The following CLTRN variants were observed in gnomAD, a reference collection of about 807,000 sequenced individuals.
The protein encoded by CLTRN is collectrin, amino acid transport regulator.
In CLTRN, 12 loss-of-function variants were observed where a neutral mutation model predicts 14.5. That is an observed-to-expected ratio of 0.83 (90% CI 0.53 to 1.34). The LOEUF (loss-of-function observed/expected upper bound fraction) is 1.34, where lower values mean the gene tolerates loss of function less well. CLTRN is among the 40% of genes most tolerant of loss of function. The pLI is 0.00. For missense variants in CLTRN, 154 were observed against 165.1 expected (o/e 0.93, Z 0.37); for synonymous variants, 58 against 56.5 (o/e 1.03, Z -0.12).
Position 15,658,871 on chromosome X carries a change from A to G in CLTRN, c.203+145T>C, listed in dbSNP as rs1929434857. On this transcript the variant is annotated intron_variant, in intron 3 of 5. Transcript: ENST00000380342. ...TAAACTGTAAGATGAGTTAGATTAT[A>G]AAAGTTATTTTTAAGTTTAATAAAA... 4 of 289,828 alleles carry G rather than the reference A, an allele frequency of 1.4e-5. No individual in the cohort carries two copies. The South Asian group carries it at 1.7e-4, about 12-fold the overall frequency. The allele number at this position is 289,828 out of a possible 1,213,427, so 23.9% of individuals were successfully genotyped here.
At chrX:15,629,992 A>G (rs1371734907) in intron 5 of CLTRN, among the ~76,000 whole-genome samples, 5 of 111,637 alleles carry the variant, frequency 4.5e-5, no homozygotes, top group Admixed American at 3.8e-4. Context: ...TTTGCAAAAC[A>G]GCTGACCTGG....
At chrX:15,667,238 AAAAT>A (rs200000626), upstream of CLTRN, among the ~76,000 whole-genome samples, 6,821 of 105,013 alleles carry the variant, frequency 0.065, 495 homozygotes, top group African/African-American at 0.2. Context: ...CTCCATCTCA[AAAAT>A]AAATAAATAA....
intron 1 of CLTRN, among the ~76,000 whole-genome samples, chrX:15,670,298 C>A (rs181337365): frequency 0.054 from 4,053 of 75,425 alleles, 202 homozygotes; most frequent in African/African-American, 0.18. Flanking sequence ...AAAACAAAAA[C>A]CAAAAACAAA....
chrX:15,645,065 A>C (rs1929031189), intron 3 of CLTRN, 36 bp from the exon 4 acceptor site: 1 of 892,879 alleles, frequency 1.1e-6, no homozygotes, highest in South Asian at 2.3e-5. Context: ...CATGAGAAGA[A>C]TATCATACCA....
At chrX:15,629,550 CA>C (rs1246929472) in intron 5 of CLTRN, among the ~76,000 whole-genome samples, 1 of 110,677 alleles carries the variant, frequency 9.0e-6, no homozygotes, top group South Asian at 3.9e-4. Flanking sequence ...GTATATATTT[CA>C]AAAAAAGAAT....
At chrX:15,637,969 G>A (rs190066124) in intron 5 of CLTRN, among the ~76,000 whole-genome samples, 128 of 111,856 alleles carry the variant, frequency 1.1e-3, no homozygotes, top group Non-Finnish European at 2.1e-3. Context: ...TACAAGGGCA[G>A]AATCTAAGAG....
intron 5 of CLTRN, among the ~76,000 whole-genome samples, chrX:15,632,896 A>T (rs1386607149): frequency 9.2e-6 from 1 of 108,116 alleles, no homozygotes; most frequent in African/African-American, 3.4e-5. Flanking sequence ...AAAAAAAAAA[A>T]AAAAAAAAAA....
At chrX:15,628,347 A>C (rs1026583923) in intron 5 of CLTRN, among the ~76,000 whole-genome samples, 1 of 112,422 alleles carries the variant, frequency 8.9e-6, no homozygotes, top group African/African-American at 3.2e-5. Flanking sequence ...TATAGATGAC[A>C]TATACATAGT....
chrX:15,655,209 C>A (rs1305211863), intron 3 of CLTRN, among the ~76,000 whole-genome samples: 2 of 112,134 alleles, frequency 1.8e-5, no homozygotes, highest in African/African-American at 6.5e-5. Context: ...ATTCTCCTCG[C>A]TTAGGGACAG....
chrX:15,653,779 G>C (rs1929283446), intron 3 of CLTRN, among the ~76,000 whole-genome samples: 1 of 112,178 alleles, frequency 8.9e-6, no homozygotes, highest in Non-Finnish European at 1.9e-5. Flanking sequence ...AGTCCGAGAA[G>C]GGCAGGTGTA....
chrX:15,638,999 T>G (rs1399602973), intron 5 of CLTRN, among the ~76,000 whole-genome samples: 1 of 111,927 alleles, frequency 8.9e-6, no homozygotes, highest in Non-Finnish European at 1.9e-5. Context: ...CCAGGTGATG[T>G]CTGATGCTGA....
At chrX:15,665,138 G>A (rs777576886), upstream of CLTRN, 1 of 141,384 alleles carries the variant, frequency 7.1e-6, no homozygotes, top group Non-Finnish European at 1.4e-5. Context: ...AGGTTTCCTT[G>A]ACATGCACTT....
chrX:15,673,321 T>C (rs1002597120), intron 1 of CLTRN, among the ~76,000 whole-genome samples: 1 of 112,475 alleles, frequency 8.9e-6, no homozygotes, highest in South Asian at 3.6e-4. Context: ...AAAGTGTGCA[T>C]ACTTGAGTGT....
intron 1 of CLTRN, among the ~76,000 whole-genome samples, chrX:15,671,116 C>T (rs960107694): frequency 2.7e-5 from 3 of 111,487 alleles, no homozygotes; most frequent in Non-Finnish European, 5.6e-5. Context: ...AATATAGTCT[C>T]TGCCCTTCAG....
chrX:15,657,163 G>T lies in CLTRN; in HGVS notation c.203+1853C>A, dbSNP rs757632711. ...GTGCCACCATGCCCAGCTAATTTTT[G>T]CATTTTTTGTAGAAACGAGGTTTTG... On this transcript the variant is annotated intron_variant, in intron 3 of 5. Coordinates refer to ENST00000380342, the MANE Select transcript of CLTRN (RefSeq NM_020665.6). 1.4e-4 allele frequency among the ~76,000 whole-genome samples: 15 copies of T among 110,981 alleles called. No individual in the cohort carries two copies. In the East Asian group the frequency reaches 4.3e-3, roughly 32 times the overall value.
At position 15,639,741 on chromosome X, in the gene CLTRN, C is replaced by T. The variant is rs2092251185; in HGVS notation, c.333G>A (p.Arg111=). 4.2e-6 allele frequency: 5 copies of T among 1,201,406 alleles called. No individual in the cohort carries two copies. Among genetic ancestry groups the T allele is most frequent in the African/African-American group, 3.5e-5 (2 of 56,716 alleles). Residue 111 remains arginine (R), a synonymous_variant, in exon 5 of 6, where the codon CGG becomes CGA. Coordinates refer to ENST00000380342, the MANE Select transcript of CLTRN (RefSeq NM_020665.6). Reference sequence around the variant, plus strand: ...CATTTAGAAAGAAGGCATTGTTGATCCGGTTCTTGTTCATTCTAAAATGCA... The same window carrying T: ...CATTTAGAAAGAAGGCATTGTTGATTCGGTTCTTGTTCATTCTAAAATGCA... The part of the protein sequence containing the change: ...VQSAIRMNKN[R]INNAFFLNDQ...
chrX:15,674,937 G>A (rs1179430025), intron 1 of CLTRN: 4 of 113,759 alleles, frequency 3.5e-5, no homozygotes, highest in African/African-American at 3.2e-5. Context: ...AGGACGGCCA[G>A]GACTGGCCAG....
chrX:15,634,967 A>AAAT (rs1928785440), intron 5 of CLTRN, among the ~76,000 whole-genome samples: 1 of 109,724 alleles, frequency 9.1e-6, no homozygotes, highest in East Asian at 2.8e-4. Context: ...ATAAATAAAT[A>AAAT]AAAGAAAAAA....
intron 5 of CLTRN, among the ~76,000 whole-genome samples, chrX:15,637,459 A>G (rs1016734843): frequency 1.8e-5 from 2 of 111,793 alleles, no homozygotes; most frequent in South Asian, 7.4e-4. Context: ...TCCTGACTAT[A>G]TTTGCTAATT....
Sources: allele counts gnomAD v4.1 joint callset (sites outside exome capture counted in the v4.1 genomes callset), GRCh38; gene constraint gnomAD v4.1.1; transcripts MANE v1.5; gene names NCBI Gene and HGNC (gene_info 2026-07-23, HGNC 2026-07-21).